FBXO4: variants seen among roughly 807,000 people sequenced by gnomAD.
FBXO4 encodes F-box only protein 4.
A neutral mutation model predicts 43.7 loss-of-function variants in FBXO4; 36 were observed. That is an observed-to-expected ratio of 0.82 (90% confidence interval 0.63 to 1.09). The LOEUF is 1.09. Ranked by LOEUF, FBXO4 falls within the 50% of genes least tolerant of loss-of-function variation. The pLI is 0.00. For synonymous variants in FBXO4, 180 were observed against 165.6 expected (o/e 1.09, Z -0.67); for missense variants, 435 against 474.1 (o/e 0.92, Z 0.77).
the FBXO4 span, among the ~76,000 whole-genome samples, chr5:41,992,622 A>G: frequency 6.6e-6 from 1 of 152,236 alleles, no homozygotes; most frequent in African/African-American, 2.4e-5. Flanking sequence ...ACAGTCAATC[A>G]AAAAGTTTAC....
Position 41,925,343 on chromosome 5 carries a change from T to TCGC in FBXO4, c.45_47dup (p.Pro16dup), listed in dbSNP as rs921727198. 1.9e-5 allele frequency: 26 copies of TCGC among 1,365,104 alleles called. No individual in the cohort carries two copies. Among genetic ancestry groups the TCGC allele is most frequent in the African/African-American group, 6.1e-5 (4 of 65,276 alleles). 84.6% of individuals were successfully genotyped at this position (1,365,104 alleles called of 1,614,324 possible). On this transcript the variant is annotated inframe_insertion, in exon 1 of 7. Coordinates refer to ENST00000281623, the MANE Select transcript of FBXO4 (RefSeq NM_012176.3). Reference sequence around the variant, plus strand: ...AAGCGAGCCGCGCAGCGGAACAAACTCGCCGCCGCCGCCCTTCAGCGACTG... The same window carrying TCGC: ...AAGCGAGCCGCGCAGCGGAACAAACTCGCCGCCGCCGCCGCCCTTCAGCGACTG...
chr5:41,999,527 A>ATG, the FBXO4 span, among the ~76,000 whole-genome samples: 876 of 113,090 alleles, frequency 7.7e-3, 25 homozygotes, highest in African/African-American at 0.036. Flanking sequence ...ATATATACAT[A>ATG]TATATATACA....
chr5:42,002,690 CTCTATATCTATCTATATTA>C, the FBXO4 span, among the ~76,000 whole-genome samples: 2 of 152,162 alleles, frequency 1.3e-5, no homozygotes, highest in African/African-American at 4.8e-5. Flanking sequence ...TACCATCTGT[CTCTATATCTATCTATATTA>C]TCTATATCTA....
At chr5:41,948,759 A>C in the FBXO4 span, among the ~76,000 whole-genome samples, 2 of 152,136 alleles carry the variant, frequency 1.3e-5, no homozygotes, top group African/African-American at 4.8e-5. Context: ...TTTCTGCTAT[A>C]ATTTCCCTTC....
At chr5:42,020,537 T>C in the FBXO4 span, among the ~76,000 whole-genome samples, 2 of 152,214 alleles carry the variant, frequency 1.3e-5, no homozygotes, top group South Asian at 2.1e-4. Flanking sequence ...AATTTTTATT[T>C]GTCTCATGAA....
At chr5:41,997,757 C>A in the FBXO4 span, among the ~76,000 whole-genome samples, 3 of 152,276 alleles carry the variant, frequency 2.0e-5, no homozygotes, top group East Asian at 5.8e-4. Context: ...TGGATCATTT[C>A]CCTTTCCCCA....
the FBXO4 span, among the ~76,000 whole-genome samples, chr5:42,030,853 A>G: frequency 1.6e-4 from 25 of 152,386 alleles, no homozygotes; most frequent in African/African-American, 6.0e-4. Flanking sequence ...AAATACATAA[A>G]AAAATCCTCA....
intron 5 of FBXO4, among the ~76,000 whole-genome samples, chr5:41,937,076 A>T (rs938576464): frequency 6.6e-6 from 1 of 152,222 alleles, no homozygotes; most frequent in Non-Finnish European, 1.5e-5. Flanking sequence ...GTCCCAAAAC[A>T]TGAAGGGAGA....
chr5:41,926,162 T>C (rs1467306840), intron 1 of FBXO4, among the ~76,000 whole-genome samples: 3 of 152,254 alleles, frequency 2.0e-5, no homozygotes, highest in South Asian at 2.1e-4. Flanking sequence ...ATTTGGACTA[T>C]TGACACCTCT....
chr5:42,020,110 A>C, the FBXO4 span, among the ~76,000 whole-genome samples: 1 of 152,158 alleles, frequency 6.6e-6, no homozygotes, highest in Non-Finnish European at 1.5e-5. Context: ...GAGAATGCAC[A>C]ATTGTTGATT....
chr5:41,950,398 G>A, the FBXO4 span, among the ~76,000 whole-genome samples: 1 of 152,074 alleles, frequency 6.6e-6, no homozygotes, highest in Admixed American at 6.5e-5. Context: ...TCAAAAAGTG[G>A]GCAAAGGATA....
chr5:42,034,742 C>T, the FBXO4 span, among the ~76,000 whole-genome samples: 79 of 152,034 alleles, frequency 5.2e-4, no homozygotes, highest in African/African-American at 1.8e-3. Flanking sequence ...TTGGTACCAG[C>T]ACCATGCTGT....
the FBXO4 span, among the ~76,000 whole-genome samples, chr5:41,950,275 G>C: frequency 6.6e-6 from 1 of 152,080 alleles, no homozygotes; most frequent in East Asian, 1.9e-4. Context: ...AGAGTGAACA[G>C]GCCACCTACA....
chr5:41,962,728 C>G, the FBXO4 span, among the ~76,000 whole-genome samples: 1 of 152,190 alleles, frequency 6.6e-6, no homozygotes, highest in African/African-American at 2.4e-5. Flanking sequence ...TCTTAGCATT[C>G]CTACCCCGGC....
At chr5:41,939,889 G>A (rs577455693) in intron 6 of FBXO4, among the ~76,000 whole-genome samples, 2 of 89,630 alleles carry the variant, frequency 2.2e-5, no homozygotes, top group African/African-American at 8.5e-5. Flanking sequence ...TCACTTTGTT[G>A]CTCAGGCTGG....
At chr5:41,971,600 G>A in the FBXO4 span, among the ~76,000 whole-genome samples, 2 of 151,688 alleles carry the variant, frequency 1.3e-5, no homozygotes, top group African/African-American at 4.8e-5. Flanking sequence ...CACTCCATAG[G>A]GTCATAAATC....
the FBXO4 span, among the ~76,000 whole-genome samples, chr5:42,015,138 A>C: frequency 6.6e-6 from 1 of 152,190 alleles, no homozygotes; most frequent in Non-Finnish European, 1.5e-5. Context: ...GAATAAAAGC[A>C]ACTCTTTCTT....
chr5:41,994,772 CATT>C, the FBXO4 span, among the ~76,000 whole-genome samples: 1 of 152,138 alleles, frequency 6.6e-6, no homozygotes, highest in African/African-American at 2.4e-5. Context: ...AGTTCAGAAT[CATT>C]GTTGTGTTTC....
the FBXO4 span, chr5:41,967,208 T>G: frequency 2.0e-6 from 1 of 496,670 alleles, no homozygotes; most frequent in Admixed American, 2.3e-5. Flanking sequence ...ACTTTTTTTT[T>G]GTGGCAATTA....
Sources: allele counts gnomAD v4.1 joint callset (sites outside exome capture counted in the v4.1 genomes callset), GRCh38; gene constraint gnomAD v4.1.1; transcripts MANE v1.5; gene names NCBI Gene and HGNC (gene_info 2026-07-23, HGNC 2026-07-21).